Variants in SYNRG observed in about 807,000 individuals in gnomAD.
SYNRG encodes the protein synergin gamma.
Under a neutral mutation model 130.9 loss-of-function variants are expected in SYNRG, and 37 were observed. The observed-to-expected ratio is 0.28, with a 90% confidence interval of 0.22 to 0.37. SYNRG has a LOEUF of 0.37. SYNRG is among the 10% of genes least tolerant of loss of function. The probability of loss-of-function intolerance (pLI) is 1.00; values close to 1 mark genes in which losing one functional copy is unlikely to be tolerated. For synonymous variants in SYNRG, 539 were observed against 568.1 expected (o/e 0.95, Z 0.73); for missense variants, 1,338 against 1,588.9 (o/e 0.84, Z 2.68).
intron 3 of SYNRG, among the ~76,000 whole-genome samples, chr17:37,595,749 C>T (rs558354779): frequency 6.6e-6 from 1 of 150,712 alleles, no homozygotes; most frequent in South Asian, 2.1e-4. Context: ...CCTTTTTTTC[C>T]TCTGGCCTTT....
chr17:37,564,949 T>C (rs2145785267), intron 11 of SYNRG, among the ~76,000 whole-genome samples: 1 of 152,276 alleles, frequency 6.6e-6, no homozygotes, highest in East Asian at 1.9e-4. Context: ...ATAATGAGTA[T>C]GAATTCTAGA....
chr17:37,527,987 G>A (rs1474866460), intron 19 of SYNRG, among the ~76,000 whole-genome samples: 2 of 152,140 alleles, frequency 1.3e-5, no homozygotes, highest in Admixed American at 1.3e-4. Flanking sequence ...GCTGTCTTCC[G>A]ATAGGAACAG....
chr17:37,601,047 G>T (rs1166510187), intron 1 of SYNRG: 1 of 152,188 alleles, frequency 6.6e-6, no homozygotes, highest in African/African-American at 2.4e-5. Context: ...ATTGTACAGG[G>T]CCTTTATTTT....
Position 37,518,967 on chromosome 17 carries a change from A to G in SYNRG, c.3918T>C (p.Pro1306=). Residue 1306 remains proline, a synonymous_variant, in exon 22 of 22, where the codon CCT becomes CCC. Transcript: ENST00000612223. ...AGAGCAGGTCAGGCAGGACGAGGCC[A>G]GGAGGCTTTGGTTCGACACAGTTGA... ...FWINCVEPKP[P]GLVLPDLL The G allele has an allele frequency of 1.2e-6, 2 of 1,614,192 alleles. No homozygotes were observed. The highest frequency in any genetic ancestry group is 1.7e-6 in the Non-Finnish European group (2 of 1,180,014).
At chr17:37,607,793 GATCA>G (rs2063891153) in intron 1 of SYNRG, among the ~76,000 whole-genome samples, 1 of 150,814 alleles carries the variant, frequency 6.6e-6, no homozygotes, top group African/African-American at 2.4e-5. Flanking sequence ...TGTCTCAATC[GATCA>G]ATCAACAAAA....
intron 19 of SYNRG, among the ~76,000 whole-genome samples, chr17:37,523,060 C>T (rs1328006731): frequency 6.6e-6 from 1 of 152,098 alleles, no homozygotes; most frequent in Non-Finnish European, 1.5e-5. Context: ...CATAAATAAC[C>T]CTGAAAGCTA....
chr17:37,569,100 T>G (rs184921562), intron 10 of SYNRG, among the ~76,000 whole-genome samples, 176 bp from the exon 11 acceptor site: 2 of 152,276 alleles, frequency 1.3e-5, no homozygotes, highest in African/African-American at 4.8e-5. Flanking sequence ...GTACAAATGG[T>G]AAAAGACTGG....
chr17:37,594,466 T>C (rs1305067852), intron 3 of SYNRG, among the ~76,000 whole-genome samples: 1 of 146,104 alleles, frequency 6.8e-6, no homozygotes, highest in Non-Finnish European at 1.5e-5. Context: ...CTTCTTCTTT[T>C]TTTTTTTTTT....
rs1376772823 is a variant in SYNRG at position 37,516,871 on chromosome 17, C to CT, written c.*2068dup. 4.6e-5 allele frequency: 7 copies of CT among 152,192 alleles called. No homozygotes were observed. The highest frequency in any genetic ancestry group is 1.7e-4 in the African/African-American group (7 of 41,428). 9.4% of individuals were successfully genotyped at this position (152,192 alleles called of 1,614,324 possible). ...TTACCATCATGCCCAGGGCTGGTCT[C>CT]TAACTCCTGGGAAACATTCTTATTG... On this transcript the variant is annotated 3_prime_UTR_variant, in exon 22 of 22. Coordinates refer to ENST00000612223, the MANE Select transcript of SYNRG (RefSeq NM_007247.6).
intron 15 of SYNRG, chr17:37,540,840 G>T: frequency 6.7e-6 from 6 of 890,280 alleles, no homozygotes; most frequent in Non-Finnish European, 8.3e-6. Context: ...TCATTGTGTT[G>T]GCCAGGCTGG....
At chr17:37,564,796 C>T (rs6607279) in intron 11 of SYNRG, among the ~76,000 whole-genome samples, 26,389 of 152,164 alleles carry the variant, frequency 0.17, 2,734 homozygotes, top group East Asian at 0.52. Flanking sequence ...CCTAAGAGAA[C>T]GTTATCAGAT....
At chr17:37,562,904 C>T (rs181442408) in intron 11 of SYNRG, among the ~76,000 whole-genome samples, 8 of 152,178 alleles carry the variant, frequency 5.3e-5, no homozygotes, top group Admixed American at 1.3e-4. Flanking sequence ...GCTTTAGCTA[C>T]GGTCTTTTAA....
intron 11 of SYNRG, among the ~76,000 whole-genome samples, chr17:37,565,605 C>A (rs1260434088): frequency 2.6e-5 from 4 of 151,914 alleles, no homozygotes. Flanking sequence ...TGAGGAGCGC[C>A]TCTTCCCGGC....
At chr17:37,579,857 C>T (rs2061149421) in intron 6 of SYNRG, among the ~76,000 whole-genome samples, 1 of 151,978 alleles carries the variant, frequency 6.6e-6, no homozygotes, top group Non-Finnish European at 1.5e-5. Flanking sequence ...AATATAGGCA[C>T]ATGCCAGCAT....
At chr17:37,578,375 A>G (rs1204470635) in intron 6 of SYNRG, among the ~76,000 whole-genome samples, 1 of 152,144 alleles carries the variant, frequency 6.6e-6, no homozygotes. Flanking sequence ...ATCACTGCAC[A>G]TTTGTATAGG....
intron 1 of SYNRG, among the ~76,000 whole-genome samples, chr17:37,605,460 GGCT>G (rs916753478): frequency 6.6e-6 from 1 of 152,128 alleles, no homozygotes. Flanking sequence ...GTAGAATCAA[GGCT>G]GCTAAAGTCT....
rs2057643475 is a variant in SYNRG, at chr17:37,540,470, C to G, written c.3276G>C (p.Gln1092His). The change falls in exon 16 of 22, where the codon CAG becomes CAC. Residue 1092 changes from glutamine to histidine, a missense_variant. This residue lies in a region of SYNRG where 1,146 missense variants were observed against 1,342.3 expected (regional missense o/e 0.85). Coordinates refer to ENST00000612223, the MANE Select transcript of SYNRG (RefSeq NM_007247.6). ...GAGTATTGGAACGGTCTCTGAAAGG[C>G]TGCTCCAAAGCTGGAGAAGGAGAAG... is the stretch of plus-strand genomic sequence containing the variant. ...SRSSPSPALEQPFRDRSNTLN... is the reference protein window; with the variant it reads ...SRSSPSPALEHPFRDRSNTLN... The G allele has an allele frequency of 1.2e-6, 2 of 1,613,890 alleles. No homozygotes were observed. The highest frequency in any genetic ancestry group is 1.7e-6 in the Non-Finnish European group (2 of 1,179,998).
intron 13 of SYNRG, among the ~76,000 whole-genome samples, chr17:37,558,108 G>A (rs905005669): frequency 3.3e-5 from 5 of 152,170 alleles, no homozygotes; most frequent in African/African-American, 4.8e-5. Context: ...TACTCCCACT[G>A]TGTATCTGAT....
At chr17:37,529,801 A>G in intron 19 of SYNRG, 2 of 1,551,572 alleles carry the variant, frequency 1.3e-6, no homozygotes, top group Admixed American at 2.0e-5. Flanking sequence ...CTAAGAGCTC[A>G]TGGTAAGGAG....
Sources: allele counts gnomAD v4.1 joint callset (sites outside exome capture counted in the v4.1 genomes callset), GRCh38; gene constraint gnomAD v4.1.1; regional missense constraint gnomAD v4.1.1; transcripts MANE v1.5; gene names NCBI Gene and HGNC (gene_info 2026-07-23, HGNC 2026-07-21).